Variants in RAPH1 observed in about 807,000 individuals in gnomAD.
RAPH1 encodes Ras association (RalGDS/AF-6) and pleckstrin homology domains 1.
Under a neutral mutation model 88.1 loss-of-function variants are expected in RAPH1, and 18 were observed. That is an observed-to-expected ratio of 0.20 (90% CI 0.14 to 0.30). The LOEUF is 0.30. Among genes scored for constraint, RAPH1 ranks in the 10% least tolerant of loss-of-function variants. RAPH1 has a pLI of 1.00. For missense variants in RAPH1, 1,448 were observed against 1,543.2 expected, an observed-to-expected ratio of 0.94 and a Z score of 1.03; for synonymous variants, 587 against 559.0, an observed-to-expected ratio of 1.05 and a Z score of -0.71.
intron 4 of RAPH1, among the ~76,000 whole-genome samples, chr2:203,466,494 C>T (rs906262418): frequency 6.6e-6 from 1 of 152,070 alleles, no homozygotes; most frequent in African/African-American, 2.4e-5. Flanking sequence ...CTTAGAACAC[C>T]TCCAATAGTT....
At chr2:203,479,620 A>T (rs1262686426) in intron 4 of RAPH1, among the ~76,000 whole-genome samples, 1 of 152,068 alleles carries the variant, frequency 6.6e-6, no homozygotes, top group Non-Finnish European at 1.5e-5. Context: ...AAAAAAAAAA[A>T]AAATTAAATC....
At chr2:203,491,365 A>C (rs748065999) in intron 2 of RAPH1, 46 bp from the exon 3 acceptor site, 17 of 1,288,580 alleles carry the variant, frequency 1.3e-5, no homozygotes, top group Middle Eastern at 1.9e-4. Flanking sequence ...TCAGGTTTCA[A>C]TAATATAAAA....
intron 1 of RAPH1, among the ~76,000 whole-genome samples, chr2:203,531,067 T>G (rs1690368730): frequency 6.6e-6 from 1 of 152,070 alleles, no homozygotes; most frequent in African/African-American, 2.4e-5. Context: ...CTAACACATT[T>G]GCAAAAATTA....
intron 1 of RAPH1, among the ~76,000 whole-genome samples, chr2:203,515,508 T>C (rs1689559894): frequency 1.3e-5 from 2 of 152,342 alleles, no homozygotes; most frequent in South Asian, 4.1e-4. Context: ...CAGAAATGGC[T>C]AAGCTGGTGT....
chr2:203,441,708 C>A, intron 13 of RAPH1: 1 of 1,303,624 alleles, frequency 7.7e-7, no homozygotes, highest in Non-Finnish European at 9.7e-7. Context: ...TGACAGGATG[C>A]ATGACTTCTG....
intron 10 of RAPH1, among the ~76,000 whole-genome samples, chr2:203,450,184 A>G (rs1025976752): frequency 1.2e-4 from 19 of 152,204 alleles, no homozygotes; most frequent in African/African-American, 4.1e-4. Context: ...GGCCACCAAC[A>G]TAAGTTATGT....
chr2:203,470,187 T>A lies in RAPH1; in HGVS notation c.733-8262A>T, dbSNP rs1041008453. 16 of 1,171,294 alleles carry A rather than the reference T, an allele frequency of 1.4e-5. No individual in the cohort carries two copies. In the African/African-American group the frequency reaches 2.2e-4, roughly 16 times the overall value. The allele number at this position is 1,171,294 out of a possible 1,614,324, so 72.6% of individuals were successfully genotyped here. A position where few individuals can be genotyped will look rare whatever the true frequency, so the allele number is the denominator to read the frequency against. On this transcript the variant is annotated intron_variant, in intron 4 of 13. Coordinates refer to ENST00000319170, the MANE Select transcript of RAPH1 (RefSeq NM_213589.3). ...AGAGCATGATCAAAAACAGAAATCA[T>A]ATTCTACCTACAAGGCAGTAAATAG... is the stretch of plus-strand genomic sequence containing the variant.
chr2:203,512,622 T>C (rs370198537), intron 1 of RAPH1, among the ~76,000 whole-genome samples: 1 of 102,520 alleles, frequency 9.8e-6, no homozygotes, highest in South Asian at 2.8e-4. Context: ...ATCCCTTACC[T>C]TTTTTTTTTT....
In RAPH1 at chr2:203,491,321, T is replaced by C; in HGVS notation, c.121-2A>G. 1 of 1,592,224 alleles carries C rather than the reference T, an allele frequency of 6.3e-7. No homozygotes were observed. On this transcript the variant is annotated splice_acceptor_variant, in intron 2 of 13. Transcript: ENST00000319170. LOFTEE classifies it high-confidence loss of function. Reference sequence around the variant, plus strand: ...CATGGGCTTGTCAGAATCCAAACTCTTTATAAAAAGAAAGTTTAATAGTCA... The same window carrying C: ...CATGGGCTTGTCAGAATCCAAACTCCTTATAAAAAGAAAGTTTAATAGTCA...
chr2:203,491,089 G>T, intron 3 of RAPH1, 125 bp downstream of exon 3: 42 of 477,176 alleles, frequency 8.8e-5, no homozygotes, highest in Middle Eastern at 4.0e-4. Context: ...AGAAATTTAA[G>T]AACTTGGTCG....
At position 203,448,691 on chromosome 2, in the gene RAPH1, T is replaced by C; in HGVS notation, c.1512+47A>G. On this transcript the variant is annotated intron_variant, in intron 11 of 13. Coordinates refer to ENST00000319170, the MANE Select transcript of RAPH1 (RefSeq NM_213589.3). The surrounding 1 kb of genome is among the most constrained non-coding windows in gnomAD (Gnocchi z 4.1). ...TGTCATGAAAACGAAAACTATATCATCGACAAACACCTCATTATTCCATCA... is the reference window on the plus strand; with the variant it reads ...TGTCATGAAAACGAAAACTATATCACCGACAAACACCTCATTATTCCATCA... The C allele has an allele frequency of 7.6e-7, 1 of 1,322,276 alleles. No individual in the cohort carries two copies. The highest frequency in any genetic ancestry group is 1.1e-6 in the Non-Finnish European group (1 of 943,650). 81.9% of individuals were successfully genotyped at this position (1,322,276 alleles called of 1,614,324 possible).
rs2098499482 is a variant in RAPH1, at chr2:203,437,543, TTGG to T, written c.*1891_*1893del. On this transcript the variant is annotated 3_prime_UTR_variant, in exon 14 of 14. Transcript: ENST00000319170. The stretch of plus-strand genomic sequence containing the variant: ...ACTTCATAAATATCAAACACAAAAC[TTGG>T]TGAACAATTTGAAAGACCTAAAAAT... 1 of 152,340 alleles carries T rather than the reference TTGG, an allele frequency of 6.6e-6. No individual in the cohort carries two copies. Among genetic ancestry groups the T allele is most frequent in the East Asian group, 1.9e-4 (1 of 5,192 alleles). The allele number at this position is 152,340 out of a possible 1,614,324, so 9.4% of individuals were successfully genotyped here.
chr2:203,516,826 G>A (rs983545473), intron 1 of RAPH1, among the ~76,000 whole-genome samples: 6 of 152,136 alleles, frequency 3.9e-5, no homozygotes, highest in Non-Finnish European at 5.9e-5. Context: ...GACGTCAGGA[G>A]ATCGAGACCA....
chr2:203,523,545 T>C (rs1160481633), intron 1 of RAPH1, among the ~76,000 whole-genome samples: 1 of 152,036 alleles, frequency 6.6e-6, no homozygotes, highest in Non-Finnish European at 1.5e-5. Context: ...GACTAAAATG[T>C]AAAAGCTAAA....
At chr2:203,486,321 T>G (rs147557396) in intron 4 of RAPH1, among the ~76,000 whole-genome samples, 1 of 152,288 alleles carries the variant, frequency 6.6e-6, no homozygotes, top group East Asian at 1.9e-4. Context: ...ATATGGAGGT[T>G]AGCAGTAAAT....
At chr2:203,449,945 C>T (rs2098513320) in intron 10 of RAPH1, among the ~76,000 whole-genome samples, 1 of 151,786 alleles carries the variant, frequency 6.6e-6, no homozygotes. Context: ...ATCGCTTAAA[C>T]CCAGGAGGCA....
chr2:203,450,864 T>A (rs1025122210), intron 10 of RAPH1, among the ~76,000 whole-genome samples: 1 of 151,978 alleles, frequency 6.6e-6, no homozygotes, highest in Non-Finnish European at 1.5e-5. Context: ...CAAGTGTGCA[T>A]GTGTGCTTCC....
intron 10 of RAPH1, among the ~76,000 whole-genome samples, chr2:203,452,685 G>C (rs2153638139): frequency 6.6e-6 from 1 of 152,292 alleles, no homozygotes; most frequent in African/African-American, 2.4e-5. Context: ...GGCCAGGCCA[G>C]GCACAGTAGC....
At chr2:203,478,242 G>C (rs1687559798) in intron 4 of RAPH1, among the ~76,000 whole-genome samples, 1 of 151,962 alleles carries the variant, frequency 6.6e-6, no homozygotes, top group South Asian at 2.1e-4. Flanking sequence ...CACAGTGTTA[G>C]CTAGGATGGT....
Sources: gnomAD v4.1 joint callset for allele counts (sites outside exome capture counted in the v4.1 genomes callset) on GRCh38, gnomAD v4.1.1 for gene constraint, Gnocchi (gnomAD v3.1) non-coding constraint, MANE v1.5 for transcripts, NCBI Gene and HGNC (gene_info 2026-07-23, HGNC 2026-07-21) for gene names.